The following DNAH7 variants were observed in gnomAD, a reference collection of about 807,000 sequenced individuals.
DNAH7 encodes axonemal beta dynein heavy chain 7.
Under a neutral mutation model 444.6 loss-of-function variants are expected in DNAH7, and 397 were observed. The ratio of observed to expected loss-of-function variants is 0.89; its 90% CI spans 0.82 to 0.97. The LOEUF is 0.97. Ranked by LOEUF, DNAH7 falls within the 50% of genes least tolerant of loss-of-function variation. DNAH7 has a pLI of 0.00. For missense variants in DNAH7, 4,902 were observed against 4,800.8 expected (o/e 1.02, Z -0.62); for synonymous variants, 1,636 against 1,624.4 (o/e 1.01, Z -0.17).
In DNAH7 at chr2:196,026,830, G is replaced by A. The variant is rs534238840; in HGVS notation, c.597C>T (p.Phe199=). ...LDLVPQHLKV[F]TDSIVTLSDE... is the part of the protein sequence containing the mutation. ...CAGATAATGTAACTATGCTGTCAGT[G>A]AAGACTTTCAGATGTTGTGGAACTA... The change falls in exon 7 of 65, where the codon TTC becomes TTT. Residue 199 remains phenylalanine (F), a synonymous_variant. Coordinates refer to ENST00000312428, the MANE Select transcript of DNAH7 (RefSeq NM_018897.3). The A allele has an allele frequency of 2.7e-5, 43 of 1,612,648 alleles. No homozygotes were observed. In the South Asian group the frequency reaches 4.4e-4, roughly 16 times the overall value.
intron 63 of DNAH7, among the ~76,000 whole-genome samples, chr2:195,743,565 G>A (rs1693183335): frequency 6.6e-6 from 1 of 152,186 alleles, no homozygotes; most frequent in Non-Finnish European, 1.5e-5. Context: ...TATGGTAAAG[G>A]GGTAGAGATT....
chr2:195,789,207 G>A (rs1322098337), intron 57 of DNAH7, among the ~76,000 whole-genome samples: 1 of 151,892 alleles, frequency 6.6e-6, no homozygotes, highest in Non-Finnish European at 1.5e-5. Context: ...AAGTACAGAG[G>A]AAGCAGTTTG....
chr2:195,836,053 C>T (rs1024556584), intron 47 of DNAH7, among the ~76,000 whole-genome samples: 1 of 152,140 alleles, frequency 6.6e-6, no homozygotes, highest in South Asian at 2.1e-4. Context: ...TTGGTTTTTG[C>T]AGAGCCTCTC....
At chr2:195,786,664 A>C (rs961525717) in intron 58 of DNAH7, among the ~76,000 whole-genome samples, 2 of 152,108 alleles carry the variant, frequency 1.3e-5, no homozygotes, top group Admixed American at 6.5e-5. Flanking sequence ...AAAGGAAGAC[A>C]ACTGGTCTGT....
Position 196,038,658 on chromosome 2 carries a change from C to G in DNAH7, c.398+8694G>C, listed in dbSNP as rs528850272. Among the ~76,000 whole-genome samples the G allele has an allele frequency of 3.9e-5, 6 of 152,164 alleles. No homozygotes were observed. The East Asian group carries it at 1.2e-3, about 29-fold the overall frequency. ...TGAAGATATTCCATGCAAATGGGAA[C>G]CAAAAACAGGTTTAGAATTTGCATG... On this transcript the variant is annotated intron_variant, in intron 5 of 64. Transcript: ENST00000312428.
intron 1 of DNAH7, among the ~76,000 whole-genome samples, chr2:196,067,738 C>T (rs529528699): frequency 2.6e-5 from 4 of 151,918 alleles, no homozygotes; most frequent in Admixed American, 1.3e-4. Context: ...CTAACACTAC[C>T]GAAAAAAGCA....
chr2:195,934,846 C>A, intron 20 of DNAH7, 57 bp from the exon 21 acceptor site: 2 of 1,569,904 alleles, frequency 1.3e-6, no homozygotes, highest in South Asian at 2.3e-5. Context: ...TCTTTACACT[C>A]CAGAGTTCTT....
At position 195,926,318 on chromosome 2, in the gene DNAH7, A is replaced by G. The variant is rs1034437729; in HGVS notation, c.3612+108T>C. 199 of 1,037,436 alleles carry G rather than the reference A, an allele frequency of 1.9e-4. 1 individual carries two copies. Among genetic ancestry groups the G allele is most frequent in the Middle Eastern group, 1.7e-3 (7 of 4,160 alleles). The allele number at this position is 1,037,436 out of a possible 1,614,324, so 64.3% of individuals were successfully genotyped here. A position where few individuals can be genotyped will look rare whatever the true frequency, so the allele number is the denominator to read the frequency against. ...TGTAATTTGGCTTGCAGCATAAAGT[A>G]GATTTTTAAGTGAACTGTATTTATT... On this transcript the variant is annotated intron_variant, in intron 22 of 64. Coordinates refer to ENST00000312428, the MANE Select transcript of DNAH7 (RefSeq NM_018897.3).
chr2:195,995,459 T>C, intron 12 of DNAH7: 1 of 375,652 alleles, frequency 2.7e-6, no homozygotes, highest in African/African-American at 2.1e-5. Context: ...ATAGAGCAGC[T>C]CTTCTTTTGC....
At chr2:195,992,960 G>A (rs554383359) in intron 12 of DNAH7, among the ~76,000 whole-genome samples, 112 of 152,300 alleles carry the variant, frequency 7.4e-4, no homozygotes, top group South Asian at 1.9e-3. Flanking sequence ...GACACAGTGG[G>A]AGCCCCCTGT....
rs1199429065 is a variant in DNAH7 at position 195,990,023 on chromosome 2, C to A, written c.1354-1794G>T. On this transcript the variant is annotated intron_variant, in intron 12 of 64. Coordinates refer to ENST00000312428, the MANE Select transcript of DNAH7 (RefSeq NM_018897.3). ...GATGTACAGTTTGCAAATTTTTTAT[C>A]CCATTATGTGGGCTCTTTATTCACT... Among the ~76,000 whole-genome samples, 4 of 152,134 alleles carry A rather than the reference C, an allele frequency of 2.6e-5. No individual in the cohort carries two copies. The South Asian group carries it at 8.3e-4, about 32-fold the overall frequency.
intron 2 of DNAH7, among the ~76,000 whole-genome samples, chr2:196,056,310 T>C (rs1697801249): frequency 2.0e-5 from 3 of 149,904 alleles, no homozygotes; most frequent in African/African-American, 7.4e-5. Context: ...GCAGGCGTGG[T>C]GGCATACACC....
chr2:195,973,489 T>A (rs1417680387), intron 15 of DNAH7, among the ~76,000 whole-genome samples: 2 of 152,170 alleles, frequency 1.3e-5, no homozygotes, highest in Non-Finnish European at 2.9e-5. Flanking sequence ...TTGTTTTTTT[T>A]GAGATGGAGT....
rs189789941 is a variant in DNAH7 at position 196,008,850 on chromosome 2, A to G, written c.989+3937T>C. On this transcript the variant is annotated intron_variant, in intron 10 of 64. Coordinates refer to ENST00000312428, the MANE Select transcript of DNAH7 (RefSeq NM_018897.3). ...TATTAAGCCATTCTTGTGTTGCTATAAAGAAATATCTGGGACTGGGTAATT... is the reference window on the plus strand; with the variant it reads ...TATTAAGCCATTCTTGTGTTGCTATGAAGAAATATCTGGGACTGGGTAATT... Among the ~76,000 whole-genome samples, 241 of 152,348 alleles carry G rather than the reference A, an allele frequency of 1.6e-3. 1 individual carries two copies. The highest frequency in any genetic ancestry group is 5.3e-3 in the African/African-American group (220 of 41,574).
intron 57 of DNAH7, among the ~76,000 whole-genome samples, chr2:195,790,363 C>A (rs1346521601): frequency 2.0e-5 from 3 of 151,822 alleles, no homozygotes; most frequent in African/African-American, 7.3e-5. Context: ...GCTTGAATAG[C>A]CAAAGCAATC....
intron 46 of DNAH7, among the ~76,000 whole-genome samples, chr2:195,852,913 C>CAGAGAGAGAGAG (rs909240212): frequency 7.4e-5 from 10 of 134,620 alleles, no homozygotes; most frequent in African/African-American, 2.4e-4. Flanking sequence ...CACACACACA[C>CAGAGAGAGAGAG]ACAGAGAGAG....
At chr2:195,764,272 C>T (rs544633449) in intron 61 of DNAH7, among the ~76,000 whole-genome samples, 1 of 152,148 alleles carries the variant, frequency 6.6e-6, no homozygotes, top group East Asian at 1.9e-4. Flanking sequence ...GACAGACCCA[C>T]AGCTAGTATC....
intron 50 of DNAH7, 56 bp from the exon 51 acceptor site, chr2:195,817,019 C>G (rs566429117): frequency 2.8e-5 from 36 of 1,270,392 alleles, no homozygotes; most frequent in Non-Finnish European, 3.9e-5. Context: ...AATCATTTCA[C>G]GTATATGTTC....
intron 38 of DNAH7, among the ~76,000 whole-genome samples, chr2:195,874,925 A>G: frequency 6.6e-6 from 1 of 152,214 alleles, no homozygotes; most frequent in East Asian, 1.9e-4. Context: ...GGTCAGGGTT[A>G]GGGAGCAAAT....
Sources: allele counts gnomAD v4.1 joint callset (sites outside exome capture counted in the v4.1 genomes callset), GRCh38; gene constraint gnomAD v4.1.1; transcripts MANE v1.5; gene names NCBI Gene and HGNC (gene_info 2026-07-23, HGNC 2026-07-21).